The following CNTN6 variants were observed in gnomAD, a reference collection of about 807,000 sequenced individuals.
The protein encoded by CNTN6 is contactin-6.
In CNTN6, 137 loss-of-function variants were observed where a neutral mutation model predicts 122.8. That is an observed-to-expected ratio of 1.12 (90% CI 0.97 to 1.29). The LOEUF (loss-of-function observed/expected upper bound fraction) is 1.29. CNTN6 is among the 50% of genes most tolerant of loss of function. CNTN6 has a pLI of 0.00. For synonymous variants in CNTN6, 570 were observed against 426.0 expected, an observed-to-expected ratio of 1.34 and a Z score of -4.16; for missense variants, 1,634 against 1,223.4, an observed-to-expected ratio of 1.34 and a Z score of -5.01.
chr3:1,362,329 A>G (rs1469755836), intron 12 of CNTN6, among the ~76,000 whole-genome samples: 1 of 152,134 alleles, frequency 6.6e-6, no homozygotes, highest in East Asian at 1.9e-4. Flanking sequence ...ACTCAGAGAA[A>G]AAAACAGATA....
At chr3:1,375,031 C>A (rs888845797) in intron 16 of CNTN6, among the ~76,000 whole-genome samples, 2 of 151,936 alleles carry the variant, frequency 1.3e-5, no homozygotes, top group Admixed American at 6.6e-5. Context: ...GGTTTTGAAT[C>A]CAAACCTCCT....
At chr3:1,169,022 G>C (rs1366944768) in intron 2 of CNTN6, among the ~76,000 whole-genome samples, 2 of 152,136 alleles carry the variant, frequency 1.3e-5, no homozygotes, top group Admixed American at 6.6e-5. Flanking sequence ...TCACTCATCC[G>C]TGGAGACAAA....
At chr3:1,385,090 T>C (rs116256240) in intron 19 of CNTN6, among the ~76,000 whole-genome samples, 2,345 of 152,196 alleles carry the variant, frequency 0.015, 40 homozygotes, top group Non-Finnish European at 0.018. Flanking sequence ...TTCTAACCTC[T>C]TAGCTAGATG....
chr3:1,228,294 C>A (rs143013800), intron 4 of CNTN6, among the ~76,000 whole-genome samples: 4 of 151,902 alleles, frequency 2.6e-5, no homozygotes, highest in Non-Finnish European at 5.9e-5. Context: ...ATATAGCATT[C>A]TTTTTCTTTT....
intron 4 of CNTN6, among the ~76,000 whole-genome samples, chr3:1,243,221 C>G (rs1255369895): frequency 6.6e-6 from 1 of 152,136 alleles, no homozygotes. Context: ...ACGAGGAATC[C>G]TGAGCTGCGG....
chr3:1,310,046 G>A (rs1698987261), intron 7 of CNTN6, among the ~76,000 whole-genome samples: 2 of 151,976 alleles, frequency 1.3e-5, no homozygotes, highest in Admixed American at 1.3e-4. Context: ...AATTCTTGGG[G>A]ATTTTTCATT....
intron 11 of CNTN6, among the ~76,000 whole-genome samples, chr3:1,345,849 A>G (rs972021787): frequency 6.6e-6 from 1 of 152,128 alleles, no homozygotes; most frequent in African/African-American, 2.4e-5. Context: ...TAGAGAATCA[A>G]TTAAAATTTC....
In CNTN6 at chr3:1,320,753, C is replaced by A. The variant is rs370979973; in HGVS notation, c.762-897C>A. Among the ~76,000 whole-genome samples, 8 of 151,644 alleles carry A rather than the reference C, an allele frequency of 5.3e-5. No homozygotes were observed. The South Asian group carries it at 6.2e-4, about 12-fold the overall frequency. On this transcript the variant is annotated intron_variant, in intron 7 of 22. Coordinates refer to ENST00000446702, the MANE Select transcript of CNTN6 (RefSeq NM_001289080.2). Reference sequence around the variant, plus strand: ...AGTAGTGAATATTTTCCTTCTGGAACTTTGCTTGCAGCCTGCCCGTTCTTA... The same window carrying A: ...AGTAGTGAATATTTTCCTTCTGGAAATTTGCTTGCAGCCTGCCCGTTCTTA...
intron 2 of CNTN6, among the ~76,000 whole-genome samples, chr3:1,195,790 C>T (rs2093768522): frequency 6.6e-6 from 1 of 152,132 alleles, no homozygotes. Flanking sequence ...TTGAATCTTA[C>T]TATTCTCACC....
At chr3:1,155,945 G>T (rs1004484845) in intron 2 of CNTN6, among the ~76,000 whole-genome samples, 3 of 152,172 alleles carry the variant, frequency 2.0e-5, no homozygotes, top group Non-Finnish European at 4.4e-5. Flanking sequence ...TCTATGTCAA[G>T]ACCTTTACAG....
chr3:1,102,242 A>G (rs772545501), intron 1 of CNTN6, among the ~76,000 whole-genome samples: 3 of 152,274 alleles, frequency 2.0e-5, no homozygotes, highest in South Asian at 2.1e-4. Context: ...GGAGCTCTAT[A>G]TGGAGACCGC....
intron 2 of CNTN6, among the ~76,000 whole-genome samples, chr3:1,209,688 A>G (rs111452144): frequency 1.0e-3 from 32 of 31,092 alleles, no homozygotes; most frequent in Non-Finnish European, 1.0e-3. Flanking sequence ...CCCAGCCCTT[A>G]AATACTGAGC....
chr3:1,305,090 T>C (rs431172), intron 7 of CNTN6, among the ~76,000 whole-genome samples: 2 of 151,546 alleles, frequency 1.3e-5, no homozygotes, highest in African/African-American at 4.9e-5. Context: ...AAAAATCAGG[T>C]TTATACACCT....
chr3:1,328,451 C>G (rs1701836209), intron 10 of CNTN6, among the ~76,000 whole-genome samples: 1 of 151,742 alleles, frequency 6.6e-6, no homozygotes, highest in African/African-American at 2.4e-5. Context: ...GATGAGCACT[C>G]ATTCATTTGC....
intron 5 of CNTN6, among the ~76,000 whole-genome samples, chr3:1,292,382 C>G (rs561036532): frequency 7.9e-4 from 120 of 152,086 alleles, no homozygotes; most frequent in African/African-American, 2.6e-3. Context: ...TTTTTTATCT[C>G]TTGATAAACT....
In CNTN6 at chr3:1,297,996, G is replaced by GGTTTTT. The variant is rs10558016; in HGVS notation, c.761+23_761+28dup. The GGTTTTT allele has an allele frequency of 2.6e-6, 4 of 1,551,064 alleles. No individual in the cohort carries two copies. The highest frequency in any genetic ancestry group is 2.6e-6 in the Non-Finnish European group (3 of 1,143,260). Reference sequence around the variant, plus strand: ...GGAATGTTTTGCCCTTGGAAAGTAAGGTTTTTGTTTTTGTTTTTGTTTTCC... The same window carrying GGTTTTT: ...GGAATGTTTTGCCCTTGGAAAGTAAGGTTTTTGTTTTTGTTTTTGTTTTTGTTTTCC... On this transcript the variant is annotated splice_donor_region_variant and intron_variant, in intron 7 of 22. Transcript: ENST00000446702.
intron 2 of CNTN6, among the ~76,000 whole-genome samples, chr3:1,166,940 GC>G (rs1480715189): frequency 6.6e-6 from 1 of 151,838 alleles, no homozygotes; most frequent in Admixed American, 6.6e-5. Context: ...TGCTTGTGGG[GC>G]TTAAAACCTA....
intron 20 of CNTN6, among the ~76,000 whole-genome samples, chr3:1,399,815 T>A (rs759791690): frequency 1.3e-5 from 2 of 152,108 alleles, no homozygotes; most frequent in Non-Finnish European, 2.9e-5. Context: ...AGTAAGGCAC[T>A]TGCCCTCAAG....
intron 4 of CNTN6, among the ~76,000 whole-genome samples, chr3:1,270,202 T>C (rs2095000602): frequency 6.6e-6 from 1 of 152,206 alleles, no homozygotes; most frequent in African/African-American, 2.4e-5. Flanking sequence ...GATATTTCTC[T>C]GTGCCAATTA....
Sources: gnomAD v4.1 joint callset for allele counts (sites outside exome capture counted in the v4.1 genomes callset) on GRCh38, gnomAD v4.1.1 for gene constraint, MANE v1.5 for transcripts, NCBI Gene and HGNC (gene_info 2026-07-23, HGNC 2026-07-21) for gene names.